The following LMO7 variants were observed in gnomAD, a reference collection of about 807,000 sequenced individuals.
LMO7 encodes the protein LIM domain only protein 7.
In LMO7, 120 loss-of-function variants were observed where a neutral mutation model predicts 206.5. That is an observed-to-expected ratio of 0.58 (90% CI 0.50 to 0.68). The LOEUF (loss-of-function observed/expected upper bound fraction) is 0.68, where lower values mean the gene tolerates loss of function less well. LMO7 is among the 30% of genes least tolerant of loss of function. The pLI, the probability that LMO7 is intolerant of heterozygous loss-of-function variation, is 0.00. For missense variants in LMO7, 1,959 were observed against 1,957.9 expected (o/e 1.00, Z -0.01); for synonymous variants, 706 against 681.5 (o/e 1.04, Z -0.56).
chr13:75,833,039 T>C lies in LMO7; in HGVS notation c.2950-12T>C. 2 of 1,519,938 alleles carry C rather than the reference T, an allele frequency of 1.3e-6. No individual in the cohort carries two copies. The highest frequency in any genetic ancestry group is 1.8e-6 in the Non-Finnish European group (2 of 1,094,798). 94.2% of individuals were successfully genotyped at this position (1,519,938 alleles called of 1,614,324 possible). On this transcript the variant is annotated splice_polypyrimidine_tract_variant and intron_variant, in intron 15 of 30. Coordinates refer to ENST00000377534, the MANE Select transcript of LMO7 (RefSeq NM_001306080.2). Reference sequence around the variant, plus strand: ...GGACACCGGATACCAGCGTTTCATGTTTTGTTTTCAGGATCAGTTCAGTGA... The same window carrying C: ...GGACACCGGATACCAGCGTTTCATGCTTTGTTTTCAGGATCAGTTCAGTGA...
chr13:75,851,792 A>G (rs1438367176), intron 27 of LMO7, among the ~76,000 whole-genome samples: 1 of 152,220 alleles, frequency 6.6e-6, no homozygotes, highest in East Asian at 1.9e-4. Flanking sequence ...TGGCTGATAA[A>G]TGCTTTTATA....
rs367937964 is a variant in LMO7 at position 75,781,096 on chromosome 13, C to CTTTTTTTTTTTTTTT, written c.318-14296_318-14282dup. Among the ~76,000 whole-genome samples, 61 of 41,892 alleles carry CTTTTTTTTTTTTTTT rather than the reference C, an allele frequency of 1.5e-3. 1 individual carries two copies. The highest frequency in any genetic ancestry group is 1.7e-3 in the Non-Finnish European group (43 of 24,640). 27.5% of individuals were successfully genotyped at this position (41,892 alleles called of 152,430 possible). A position where few individuals can be genotyped will look rare whatever the true frequency, so the allele number is the denominator to read the frequency against. ...ATTTTTTTAACCTTACTCTATTTTC[C>CTTTTTTTTTTTTTTT]TTTTTTTTTTTTTTTTTTTTTTTGC... On this transcript the variant is annotated intron_variant, in intron 4 of 30. Coordinates refer to ENST00000377534, the MANE Select transcript of LMO7 (RefSeq NM_001306080.2).
chr13:75,851,107 T>A (rs1005110399), intron 27 of LMO7, among the ~76,000 whole-genome samples: 4 of 152,188 alleles, frequency 2.6e-5, no homozygotes, highest in Middle Eastern at 3.2e-3. Flanking sequence ...GATGCCCCAT[T>A]GGCCAAATTA....
intron 28 of LMO7, chr13:75,854,991 A>G (rs1222075143): frequency 2.9e-6 from 1 of 341,974 alleles, no homozygotes; most frequent in African/African-American, 2.1e-5. Context: ...GGAAGATAGT[A>G]TCAGAAACTG....
chr13:75,718,569 A>G (rs1352693796), intron 2 of LMO7, among the ~76,000 whole-genome samples: 2 of 152,134 alleles, frequency 1.3e-5, no homozygotes, highest in African/African-American at 4.8e-5. Flanking sequence ...ACATATGCAC[A>G]GCCTCCCCCA....
chr13:75,819,328 TC>T, intron 12 of LMO7, 64 bp from the exon 13 acceptor site: 1 of 1,488,224 alleles, frequency 6.7e-7, no homozygotes. Flanking sequence ...TCTGGCACAT[TC>T]TGTCTGCTAG....
At chr13:75,760,386 C>T (rs1311035580) in intron 3 of LMO7, 6 of 1,062,316 alleles carry the variant, frequency 5.6e-6, no homozygotes, top group African/African-American at 1.7e-5. Context: ...GTATGGTTTC[C>T]CTGCCTGTCA....
intron 1 of LMO7, among the ~76,000 whole-genome samples, chr13:75,639,225 G>A (rs1336260174): frequency 6.6e-6 from 1 of 152,096 alleles, no homozygotes; most frequent in African/African-American, 2.4e-5. Flanking sequence ...GAGGAAGAGT[G>A]AGGTAAGAGC....
At chr13:75,796,819 TC>T (rs2054077387) in intron 6 of LMO7, 70 bp downstream of exon 6, 1 of 940,170 alleles carries the variant, frequency 1.1e-6, no homozygotes, top group Non-Finnish European at 1.7e-6. Context: ...CCTCCTCTCT[TC>T]TTTTTCTTCT....
chr13:75,664,551 G>T (rs2038927414), intron 1 of LMO7, among the ~76,000 whole-genome samples: 1 of 152,130 alleles, frequency 6.6e-6, no homozygotes, highest in Non-Finnish European at 1.5e-5. Flanking sequence ...CTAAGAGTGG[G>T]ATTACTGGAT....
Position 75,819,387 on chromosome 13 carries a change from T to C in LMO7, c.2065-6T>C, listed in dbSNP as rs200851780. 1 of 1,592,740 alleles carries C rather than the reference T, an allele frequency of 6.3e-7. No individual in the cohort carries two copies. Among genetic ancestry groups the C allele is most frequent in the East Asian group, 2.2e-5 (1 of 44,644 alleles). Reference sequence around the variant, plus strand: ...TGTGCCCCTGCTGATGTGATTTTTCTGTCAGGACCTTGCAAAATGGAAAGA... The same window carrying C: ...TGTGCCCCTGCTGATGTGATTTTTCCGTCAGGACCTTGCAAAATGGAAAGA... On this transcript the variant is annotated splice_region_variant and splice_polypyrimidine_tract_variant and intron_variant, in intron 12 of 30. Transcript: ENST00000377534.
At position 75,665,701 on chromosome 13, in the gene LMO7, A is replaced by AT. The variant is rs2039017521; in HGVS notation, c.69+28975_69+28976insT. Among the ~76,000 whole-genome samples the AT allele has an allele frequency of 2.0e-5, 3 of 151,922 alleles. No individual in the cohort carries two copies. In the South Asian group the frequency reaches 6.2e-4, roughly 32 times the overall value. ...GCCACCATGCCCGGCTAATTTTTGTACTTTTAGTAGAGACAGGGTTTCACC... is the reference window on the plus strand; with the variant it reads ...GCCACCATGCCCGGCTAATTTTTGTATCTTTTAGTAGAGACAGGGTTTCACC... On this transcript the variant is annotated intron_variant, in intron 1 of 30. Transcript: ENST00000377534.
intron 8 of LMO7, chr13:75,805,188 G>A: frequency 4.1e-6 from 5 of 1,222,104 alleles, no homozygotes; most frequent in Non-Finnish European, 5.1e-6. Flanking sequence ...TGTCTATTAT[G>A]CTGCTGATTT....
At chr13:75,683,327 A>T (rs1055734294) in intron 1 of LMO7, among the ~76,000 whole-genome samples, 3 of 152,168 alleles carry the variant, frequency 2.0e-5, no homozygotes, top group African/African-American at 7.2e-5. Flanking sequence ...AATATTATAA[A>T]ACTTCTAAAA....
chr13:75,834,373 G>T lies in LMO7; in HGVS notation c.3212G>T (p.Arg1071Leu), dbSNP rs747794496. 1.9e-6 allele frequency: 3 copies of T among 1,596,340 alleles called. No homozygotes were observed. The highest frequency in any genetic ancestry group is 1.7e-6 in the Non-Finnish European group (2 of 1,171,848). ...GGACACCTAGTGATGGATGTGAGGC[G>T]CTATGGAAAGGCTGGTGAGTTTGTG... ...ETGHLVMDVRRYGKAGSPETK... is the reference protein window; with the variant it reads ...ETGHLVMDVRLYGKAGSPETK... The change falls in exon 17 of 31, where the codon CGC becomes CTC. Residue 1071 changes from arginine (R) to leucine (L), a missense_variant. Physicochemically the swap from Arg to Leu is moderately radical, Grantham distance 102. Transcript: ENST00000377534.
At chr13:75,726,487 T>C (rs2044486659) in intron 2 of LMO7, among the ~76,000 whole-genome samples, 1 of 152,014 alleles carries the variant, frequency 6.6e-6, no homozygotes, top group Non-Finnish European at 1.5e-5. Context: ...CCAGTCGTTC[T>C]GCTGCGGTAA....
Position 75,682,871 on chromosome 13 carries a change from T to G in LMO7, c.70-30311T>G, listed in dbSNP as rs187286048. Among the ~76,000 whole-genome samples the G allele has an allele frequency of 2.0e-5, 3 of 152,298 alleles. No homozygotes were observed. In the East Asian group the frequency reaches 5.8e-4, roughly 29 times the overall value. ...AAGGCTTATACTAAAAATTGAGTCT[T>G]TTTATTATACTATTGACATTGAGCA... On this transcript the variant is annotated intron_variant, in intron 1 of 30. Coordinates refer to ENST00000377534, the MANE Select transcript of LMO7 (RefSeq NM_001306080.2).
Position 75,747,796 on chromosome 13 carries a change from G to C in LMO7, c.211-13136G>C, listed in dbSNP as rs145389726. Among the ~76,000 whole-genome samples, 905 of 152,294 alleles carry C rather than the reference G, an allele frequency of 5.9e-3. 9 individuals are homozygous for C. The highest frequency in any genetic ancestry group is 0.02 in the African/African-American group (822 of 41,566). On this transcript the variant is annotated intron_variant, in intron 3 of 30. Transcript: ENST00000377534. ...AGAATTAGGTTGCAGATGGGATTGCGGTTGCTAATCAGTTGATCCTGAGAT... is the reference window on the plus strand; with the variant it reads ...AGAATTAGGTTGCAGATGGGATTGCCGTTGCTAATCAGTTGATCCTGAGAT...
intron 2 of LMO7, among the ~76,000 whole-genome samples, chr13:75,625,557 A>G (rs1324784882): frequency 6.6e-6 from 1 of 152,126 alleles, no homozygotes; most frequent in Non-Finnish European, 1.5e-5. Context: ...CTGTAGATAG[A>G]TGTCTTCTCC....
Sources: gnomAD v4.1 joint callset for allele counts (sites outside exome capture counted in the v4.1 genomes callset) on GRCh38, gnomAD v4.1.1 for gene constraint, MANE v1.5 for transcripts, NCBI Gene and HGNC (gene_info 2026-07-23, HGNC 2026-07-21) for gene names.